Variants in CFAP43 observed in about 807,000 individuals in gnomAD.
CFAP43 encodes the protein cilia- and flagella-associated protein 43.
CFAP43 carries 155 observed loss-of-function variants against 218.9 expected under a neutral mutation model. The ratio of observed to expected loss-of-function variants is 0.71; its 90% CI spans 0.62 to 0.81. The LOEUF (loss-of-function observed/expected upper bound fraction) is 0.81, where lower values mean the gene tolerates loss of function less well. Among genes scored for constraint, CFAP43 ranks in the 30% least tolerant of loss-of-function variants. The pLI is 0.00. For synonymous variants in CFAP43, 645 were observed against 681.3 expected (o/e 0.95, Z 0.83); for missense variants, 1,778 against 1,954.3 (o/e 0.91, Z 1.70).
intron 9 of CFAP43, among the ~76,000 whole-genome samples, 190 bp from the exon 10 acceptor site, chr10:104,197,123 T>C (rs182433969): frequency 6.6e-6 from 1 of 152,304 alleles, no homozygotes; most frequent in Non-Finnish European, 1.5e-5. Flanking sequence ...CTATTATCTT[T>C]AATGCAATTT....
Position 104,164,995 on chromosome 10 carries a change from A to G in CFAP43, c.3040-695T>C, listed in dbSNP as rs151135162. On this transcript the variant is annotated intron_variant, in intron 23 of 37. Coordinates refer to ENST00000357060, the MANE Select transcript of CFAP43 (RefSeq NM_025145.7). ...CAATATACAGGATTTAAGTTGGCAC[A>G]TGTCTTTTCTTTGGAACCTGGGTTG... 9.8e-5 allele frequency among the ~76,000 whole-genome samples: 15 copies of G among 152,366 alleles called. No individual in the cohort carries two copies. The East Asian group carries it at 2.5e-3, about 25-fold the overall frequency.
At chr10:104,230,988 A>C in intron 1 of CFAP43, 145 bp from the exon 2 acceptor site, 1 of 899,438 alleles carries the variant, frequency 1.1e-6, no homozygotes, top group Admixed American at 3.3e-5. Context: ...AAGAACACAC[A>C]TGCTGGCTGT....
intron 27 of CFAP43, among the ~76,000 whole-genome samples, chr10:104,158,885 C>A (rs1398432151): frequency 6.6e-6 from 1 of 151,860 alleles, no homozygotes. Context: ...AACTGATGTG[C>A]ACAGGTATAC....
intron 31 of CFAP43, among the ~76,000 whole-genome samples, chr10:104,144,817 T>C (rs1226290212): frequency 6.6e-6 from 1 of 152,230 alleles, no homozygotes; most frequent in Non-Finnish European, 1.5e-5. Flanking sequence ...TCTGCATTTA[T>C]AATGGTGGAA....
rs560191287 is a variant in CFAP43 at position 104,187,327 on chromosome 10, G to A, written c.1853C>T (p.Pro618Leu). ...ACTTAAGTGTTGACATACTTCTTCA[G>A]GAAGAAGGTAGCTACAGATGTATGG... ...QVPYICSYLL[P>L]EEEHTGIYIL... The change falls in exon 14 of 38, where the codon CCT becomes CTT. Residue 618 changes from proline (P) to leucine (L), a missense_variant. Physicochemically the swap from Pro to Leu is moderately conservative, Grantham distance 98. Transcript: ENST00000357060. 3 of 1,591,506 alleles carry A rather than the reference G, an allele frequency of 1.9e-6. No homozygotes were observed. Among genetic ancestry groups the A allele is most frequent in the African/African-American group, 2.7e-5 (2 of 73,658 alleles).
chr10:104,131,798 A>C (rs2087207881), intron 36 of CFAP43, among the ~76,000 whole-genome samples: 1 of 152,210 alleles, frequency 6.6e-6, no homozygotes, highest in African/African-American at 2.4e-5. Context: ...GTGATGATTA[A>C]ATAAAACCTT....
intron 3 of CFAP43, among the ~76,000 whole-genome samples, chr10:104,224,903 T>C (rs1347705832): frequency 6.6e-6 from 1 of 152,174 alleles, no homozygotes; most frequent in Non-Finnish European, 1.5e-5. Flanking sequence ...AAAAATATCC[T>C]CTTGAAGGGG....
chr10:104,141,137 A>G, intron 33 of CFAP43, 136 bp from the exon 34 acceptor site: 1 of 907,136 alleles, frequency 1.1e-6, no homozygotes, highest in Non-Finnish European at 1.6e-6. Flanking sequence ...CCTGATGATG[A>G]GCTTTCCTAG....
chr10:104,226,365 A>G (rs1167929510), intron 2 of CFAP43, among the ~76,000 whole-genome samples: 1 of 152,152 alleles, frequency 6.6e-6, no homozygotes, highest in Non-Finnish European at 1.5e-5. Flanking sequence ...TTTGTCATTT[A>G]TTGAATATAT....
At chr10:104,165,026 G>A (rs1162455166) in intron 23 of CFAP43, among the ~76,000 whole-genome samples, 5 of 152,348 alleles carry the variant, frequency 3.3e-5, no homozygotes, top group African/African-American at 1.2e-4. Context: ...GGTTGGGGTA[G>A]ATGTGGAAAA....
At chr10:104,173,949 A>C (rs2089514233) in intron 19 of CFAP43, among the ~76,000 whole-genome samples, 1 of 152,262 alleles carries the variant, frequency 6.6e-6, no homozygotes, top group African/African-American at 2.4e-5. Context: ...TTGAGTGAGA[A>C]GGGTATAATT....
chr10:104,229,285 G>A (rs1400487519), intron 2 of CFAP43, among the ~76,000 whole-genome samples: 1 of 152,172 alleles, frequency 6.6e-6, no homozygotes, highest in Non-Finnish European at 1.5e-5. Context: ...CCCATGGGGT[G>A]TTAAATGAAG....
chr10:104,229,500 A>T (rs766582692), intron 2 of CFAP43, among the ~76,000 whole-genome samples: 39 of 64,108 alleles, frequency 6.1e-4, no homozygotes, highest in Non-Finnish European at 1.3e-3. Context: ...CCAAAAACAT[A>T]AAAAAAAAAA....
At chr10:104,147,630 A>G (rs1266153697) in intron 29 of CFAP43, among the ~76,000 whole-genome samples, 1 of 152,208 alleles carries the variant, frequency 6.6e-6, no homozygotes, top group Non-Finnish European at 1.5e-5. Context: ...CTCATTTTAT[A>G]AACCATGTCA....
chr10:104,157,775 T>TGAGAGAGA (rs139314213), intron 27 of CFAP43, among the ~76,000 whole-genome samples: 2,992 of 90,052 alleles, frequency 0.033, 98 homozygotes, highest in Non-Finnish European at 0.044. Flanking sequence ...TGTGTGTGTG[T>TGAGAGAGA]GAGAGAGAGA....
chr10:104,227,835 C>CTTTTTTTTT (rs776193577), intron 2 of CFAP43, among the ~76,000 whole-genome samples: 10 of 58,356 alleles, frequency 1.7e-4, no homozygotes, highest in Non-Finnish European at 2.4e-4. Flanking sequence ...ATGTTTTCTA[C>CTTTTTTTTT]TTTTTTTTTT....
Position 104,137,099 on chromosome 10 carries a change from C to T in CFAP43, c.4432-3315G>A, listed in dbSNP as rs184339010. ...ATCAGTTAAACATACAATGACCATA[C>T]GATCCAGCAATTCCACTTCTAGGTA... On this transcript the variant is annotated intron_variant, in intron 34 of 37. Coordinates refer to ENST00000357060, the MANE Select transcript of CFAP43 (RefSeq NM_025145.7). Among the ~76,000 whole-genome samples the T allele has an allele frequency of 2.2e-3, 330 of 152,280 alleles. 1 individual carries two copies. The highest frequency in any genetic ancestry group is 6.8e-3 in the Middle Eastern group (2 of 294).
chr10:104,215,975 T>A (rs2091001281), intron 3 of CFAP43, among the ~76,000 whole-genome samples: 1 of 152,114 alleles, frequency 6.6e-6, no homozygotes, highest in Non-Finnish European at 1.5e-5. Flanking sequence ...TCAGGATAAC[T>A]GCATCTTCCA....
chr10:104,218,881 G>A, intron 3 of CFAP43: 1 of 502,854 alleles, frequency 2.0e-6, no homozygotes, highest in Non-Finnish European at 4.1e-6. Flanking sequence ...GAACAGCCGA[G>A]CAGCATGACA....
Sources: gnomAD v4.1 joint callset for allele counts (sites outside exome capture counted in the v4.1 genomes callset) on GRCh38, gnomAD v4.1.1 for gene constraint, MANE v1.5 for transcripts, NCBI Gene and HGNC (gene_info 2026-07-23, HGNC 2026-07-21) for gene names.